SRBD1: variants seen among roughly 807,000 people sequenced by gnomAD.
The protein encoded by SRBD1 is S1 RNA-binding domain-containing protein 1.
Under a neutral mutation model 115.3 loss-of-function variants are expected in SRBD1, and 88 were observed. The observed-to-expected ratio is 0.76, with a 90% CI of 0.64 to 0.91. The LOEUF is 0.91. Among genes scored for constraint, SRBD1 ranks in the 40% least tolerant of loss-of-function variants. The pLI is 0.00. For missense variants in SRBD1, 1,385 were observed against 1,177.4 expected, an observed-to-expected ratio of 1.18 and a Z score of -2.58; for synonymous variants, 509 against 407.7, an observed-to-expected ratio of 1.25 and a Z score of -2.99.
intron 16 of SRBD1, among the ~76,000 whole-genome samples, chr2:45,460,401 G>A (rs554110889): frequency 6.6e-6 from 1 of 152,146 alleles, no homozygotes; most frequent in African/African-American, 2.4e-5. Flanking sequence ...TCTGAATGAG[G>A]AACTAGGGAA....
intron 14 of SRBD1, among the ~76,000 whole-genome samples, chr2:45,515,119 G>C (rs1284657721): frequency 1.3e-5 from 2 of 152,300 alleles, no homozygotes; most frequent in East Asian, 3.8e-4. Flanking sequence ...ATGGGAACAA[G>C]AGAGAGTAGA....
At chr2:45,580,586 C>T (rs1673324718) in intron 6 of SRBD1, among the ~76,000 whole-genome samples, 1 of 138,978 alleles carries the variant, frequency 7.2e-6, no homozygotes, top group Non-Finnish European at 1.5e-5. Flanking sequence ...ATCTTGATCT[C>T]TTGGTCTCGT....
chr2:45,459,086 GTGTT>G (rs1453856679), intron 16 of SRBD1, among the ~76,000 whole-genome samples: 1 of 152,192 alleles, frequency 6.6e-6, no homozygotes, highest in African/African-American at 2.4e-5. Context: ...TGTTGCTGCT[GTGTT>G]TGTTTTTAAG....
intron 10 of SRBD1, among the ~76,000 whole-genome samples, chr2:45,555,384 CA>C (rs1213693354): frequency 6.6e-6 from 1 of 150,926 alleles, no homozygotes; most frequent in African/African-American, 2.4e-5. Flanking sequence ...TTCTTAAAAA[CA>C]AAAACAAAAC....
intron 16 of SRBD1, among the ~76,000 whole-genome samples, chr2:45,433,849 A>G (rs1572635926): frequency 6.6e-6 from 1 of 152,388 alleles, no homozygotes; most frequent in East Asian, 1.9e-4. Context: ...TTAAAAATAC[A>G]TACTTCAAAC....
chr2:45,554,874 C>G (rs1306166303), intron 10 of SRBD1, among the ~76,000 whole-genome samples: 1 of 152,130 alleles, frequency 6.6e-6, no homozygotes, highest in African/African-American at 2.4e-5. Context: ...CTATAGGTAA[C>G]AACCTGAACA....
At chr2:45,520,726 G>A (rs1038679485) in intron 14 of SRBD1, among the ~76,000 whole-genome samples, 1 of 152,142 alleles carries the variant, frequency 6.6e-6, no homozygotes, top group East Asian at 1.9e-4. Context: ...TTTGGCTGGG[G>A]GTGGTCGGAG....
At chr2:45,527,453 A>G (rs1401426647) in intron 14 of SRBD1, among the ~76,000 whole-genome samples, 1 of 151,874 alleles carries the variant, frequency 6.6e-6, no homozygotes, top group Non-Finnish European at 1.5e-5. Flanking sequence ...CTCATGGAGA[A>G]TGTATCTGAG....
At chr2:45,517,488 G>C (rs17322412) in intron 14 of SRBD1, among the ~76,000 whole-genome samples, 52,544 of 152,006 alleles carry the variant, frequency 0.35, 10,054 homozygotes, top group Non-Finnish European at 0.44. Flanking sequence ...GCAATTTCAC[G>C]GCAATGAAAG....
At chr2:45,417,818 G>C (rs1244406174) in intron 18 of SRBD1, among the ~76,000 whole-genome samples, 3 of 152,144 alleles carry the variant, frequency 2.0e-5, no homozygotes, top group South Asian at 2.1e-4. Flanking sequence ...TGGTCATTTT[G>C]AAGTCACCAT....
At chr2:45,480,541 G>A (rs528500602) in intron 15 of SRBD1, among the ~76,000 whole-genome samples, 16 of 152,172 alleles carry the variant, frequency 1.1e-4, no homozygotes, top group Non-Finnish European at 2.1e-4. Context: ...CTGAAGATGT[G>A]ACTGAATTGC....
At chr2:45,483,115 A>C (rs1344267816) in intron 15 of SRBD1, among the ~76,000 whole-genome samples, 1 of 152,166 alleles carries the variant, frequency 6.6e-6, no homozygotes, top group East Asian at 1.9e-4. Context: ...AAATTAAAGC[A>C]AGGCATATTA....
chr2:45,510,256 T>G (rs889816624), intron 14 of SRBD1, among the ~76,000 whole-genome samples: 1 of 152,198 alleles, frequency 6.6e-6, no homozygotes, highest in South Asian at 2.1e-4. Context: ...AAAGAACCTG[T>G]AACTAAAATT....
At chr2:45,429,364 T>G (rs532057838) in intron 16 of SRBD1, among the ~76,000 whole-genome samples, 1 of 152,138 alleles carries the variant, frequency 6.6e-6, no homozygotes, top group South Asian at 2.1e-4. Context: ...CAGGCCAATA[T>G]TCCTGATGAA....
At chr2:45,548,222 T>C (rs1334889503) in intron 12 of SRBD1, among the ~76,000 whole-genome samples, 5 of 151,338 alleles carry the variant, frequency 3.3e-5, no homozygotes, top group South Asian at 2.1e-4. Flanking sequence ...AAGCAGAAGA[T>C]AGAAAATGTT....
At chr2:45,546,093 T>C (rs1672111529) in intron 14 of SRBD1, 1 of 887,620 alleles carries the variant, frequency 1.1e-6, no homozygotes, top group Non-Finnish European at 1.3e-6. Context: ...TACTATAGTT[T>C]GGAAAAGGAA....
At position 45,428,588 on chromosome 2, in the gene SRBD1, A is replaced by AC. The variant is rs1465067003; in HGVS notation, c.2050-8695_2050-8694insG. Among the ~76,000 whole-genome samples the AC allele has an allele frequency of 6.6e-5, 10 of 151,968 alleles. No homozygotes were observed. In the East Asian group the frequency reaches 1.9e-3, roughly 29 times the overall value. On this transcript the variant is annotated intron_variant, in intron 16 of 20. Transcript: ENST00000263736. ...TAAATAAATAAATAAATAAATACAT[A>AC]AATAAATAAATAAGTTCTTTGAAAC...
intron 16 of SRBD1, among the ~76,000 whole-genome samples, chr2:45,427,721 T>C (rs999328335): frequency 6.6e-6 from 1 of 152,104 alleles, no homozygotes; most frequent in Non-Finnish European, 1.5e-5. Flanking sequence ...CTGAATAAAA[T>C]ACTGGCAAAC....
chr2:45,440,697 G>C (rs1668639788), intron 16 of SRBD1, among the ~76,000 whole-genome samples: 1 of 152,126 alleles, frequency 6.6e-6, no homozygotes, highest in East Asian at 1.9e-4. Context: ...GAAAAATCAA[G>C]AGTGCAAACT....
Sources: gnomAD v4.1 joint callset for allele counts (sites outside exome capture counted in the v4.1 genomes callset) on GRCh38, gnomAD v4.1.1 for gene constraint, MANE v1.5 for transcripts, NCBI Gene and HGNC (gene_info 2026-07-23, HGNC 2026-07-21) for gene names.